ABHD12: variants seen among roughly 807,000 people sequenced by gnomAD.
ABHD12 encodes the protein lysophosphatidylserine lipase ABHD12.
A neutral mutation model predicts 58.3 loss-of-function variants in ABHD12; 43 were observed. The observed-to-expected ratio is 0.74, with a 90% CI of 0.58 to 0.95. ABHD12 has a LOEUF of 0.95. Ranked by LOEUF, ABHD12 falls within the 40% of genes least tolerant of loss-of-function variation. ABHD12 has a pLI of 0.00. For synonymous variants in ABHD12, 219 were observed against 211.2 expected (o/e 1.04, Z -0.32); for missense variants, 539 against 537.2 (o/e 1.00, Z -0.03).
chr20:25,295,666 A>G (rs2088530405), downstream of ABHD12: 2 of 1,612,946 alleles, frequency 1.2e-6, no homozygotes, highest in African/African-American at 2.7e-5. Flanking sequence ...GACCAGCTGT[A>G]CCGGGTGAGG....
At chr20:25,312,512 G>A (rs1477179404) in intron 6 of ABHD12, among the ~76,000 whole-genome samples, 2 of 152,170 alleles carry the variant, frequency 1.3e-5, no homozygotes, top group African/African-American at 4.8e-5. Flanking sequence ...GTGCAGTGGC[G>A]TGATCTCGGC....
intron 1 of ABHD12, chr20:25,339,666 C>A (rs748485898): frequency 2.2e-6 from 3 of 1,388,934 alleles, no homozygotes; most frequent in Non-Finnish European, 2.9e-6. Context: ...CACCATGCCC[C>A]CCACCTGACA....
rs2089421415 is a variant in ABHD12, at chr20:25,339,225, A to T, written c.316+2T>A. The T allele has an allele frequency of 3.1e-6, 5 of 1,614,170 alleles. No individual in the cohort carries two copies. The East Asian group carries it at 1.1e-4, about 36-fold the overall frequency. ...AAGGAAAAATGGACACATACCACTT[A>T]CCGAAATTCAAGAAAATCAGTTTGG... On this transcript the variant is annotated splice_donor_variant, in intron 2 of 12. Transcript: ENST00000339157. LOFTEE classifies it high-confidence loss of function.
intron 4 of ABHD12, 101 bp downstream of exon 4, chr20:25,320,098 G>C: frequency 1.3e-6 from 2 of 1,545,208 alleles, no homozygotes; most frequent in Non-Finnish European, 1.8e-6. Context: ...TTGTGGGACC[G>C]CAGGTTGCTC....
At chr20:25,317,155 C>A in intron 4 of ABHD12, 77 bp from the exon 5 acceptor site, 2 of 992,012 alleles carry the variant, frequency 2.0e-6, no homozygotes, top group South Asian at 1.3e-5. Context: ...CTCCATACCC[C>A]AAACCAGGGG....
intron 1 of ABHD12, among the ~76,000 whole-genome samples, chr20:25,350,959 TCACACACACA>T (rs61061019): frequency 0.029 from 4,065 of 142,250 alleles, 66 homozygotes; most frequent in Non-Finnish European, 0.033. Context: ...TACGAATCCT[TCACACACACA>T]CACACACACA....
chr20:25,317,064 C>T lies in ABHD12; in HGVS notation c.557G>A (p.Arg186His), dbSNP rs587777604. ...GNAGTRGGDH[R>H]VELYKVLSSL... ...TGCACTCACCTTGTAAAGCTCCACG[C>T]GGTGGTCGCCTCCTCTGGAGAAGAA... Residue 186 changes from arginine to histidine, a missense_variant, in exon 5 of 13, where the codon CGC (arginine) becomes CAC (histidine). Physicochemically the swap from Arg to His is conservative, Grantham distance 29. Transcript: ENST00000339157. 1.7e-5 allele frequency: 27 copies of T among 1,612,594 alleles called. No homozygotes were observed. The highest frequency in any genetic ancestry group is 2.0e-5 in the Non-Finnish European group (23 of 1,179,372).
intron 11 of ABHD12, among the ~76,000 whole-genome samples, 156 bp from the exon 12 acceptor site, chr20:25,302,502 G>A (rs537316496): frequency 4.6e-4 from 70 of 152,152 alleles, no homozygotes; most frequent in Non-Finnish European, 8.1e-4. Flanking sequence ...GGAGGCCCGG[G>A]GGTGGGCTGG....
intron 1 of ABHD12, among the ~76,000 whole-genome samples, chr20:25,371,503 G>A (rs73347066): frequency 0.015 from 2,271 of 152,058 alleles, 50 homozygotes; most frequent in African/African-American, 0.046. Flanking sequence ...AACCCTCCCC[G>A]CTTCCTGACA....
At chr20:25,358,309 A>C (rs530690681) in intron 1 of ABHD12, among the ~76,000 whole-genome samples, 1 of 152,330 alleles carries the variant, frequency 6.6e-6, no homozygotes, top group East Asian at 1.9e-4. Context: ...CGATGAGCCC[A>C]TTTAGCACAA....
chr20:25,308,413 C>G, intron 8 of ABHD12, 44 bp downstream of exon 8: 1 of 1,601,972 alleles, frequency 6.2e-7, no homozygotes, highest in South Asian at 1.1e-5. Flanking sequence ...TGGGGAGCAC[C>G]CTGAATGCTC....
At chr20:25,340,573 G>A (rs2089441953) in intron 1 of ABHD12, among the ~76,000 whole-genome samples, 2 of 152,200 alleles carry the variant, frequency 1.3e-5, no homozygotes, top group African/African-American at 4.8e-5. Context: ...AGTGCCAGGG[G>A]CACACCTGCA....
At chr20:25,314,900 G>C (rs2088931472) in intron 6 of ABHD12, 25 bp downstream of exon 6, 1 of 1,613,740 alleles carries the variant, frequency 6.2e-7, no homozygotes, top group African/African-American at 1.3e-5. Flanking sequence ...ATTGTGCTCA[G>C]ATGCTCTTGC....
downstream of ABHD12, chr20:25,295,471 C>A: frequency 1.0e-6 from 1 of 986,858 alleles, no homozygotes. Flanking sequence ...TGACCAGCTG[C>A]GTGGGTGGGC....
intron 12 of ABHD12, among the ~76,000 whole-genome samples, chr20:25,301,224 A>G (rs1363326381): frequency 1.3e-5 from 2 of 152,216 alleles, no homozygotes; most frequent in African/African-American, 2.4e-5. Flanking sequence ...CTCTGAGCCC[A>G]CTGCCCCCTT....
chr20:25,368,009 C>A (rs2089846891), intron 1 of ABHD12, among the ~76,000 whole-genome samples: 1 of 152,162 alleles, frequency 6.6e-6, no homozygotes, highest in South Asian at 2.1e-4. Context: ...ATTTTTATTC[C>A]CACTAACAGT....
chr20:25,351,267 G>T (rs2146063435), intron 1 of ABHD12, among the ~76,000 whole-genome samples: 1 of 152,140 alleles, frequency 6.6e-6, no homozygotes, highest in South Asian at 2.1e-4. Flanking sequence ...TTTCACCTTT[G>T]TCTCCAAGGC....
At chr20:25,303,844 C>T (rs1002476193) in intron 10 of ABHD12, among the ~76,000 whole-genome samples, 7 of 152,250 alleles carry the variant, frequency 4.6e-5, no homozygotes, top group African/African-American at 1.7e-4. Flanking sequence ...AGCTATATAA[C>T]TGGCCCTCGG....
intron 5 of ABHD12, among the ~76,000 whole-genome samples, chr20:25,316,520 T>C (rs1240539270): frequency 2.0e-5 from 3 of 152,242 alleles, no homozygotes; most frequent in Non-Finnish European, 4.4e-5. Flanking sequence ...GTGCTGCTTA[T>C]GTAGTCTGCC....
Sources: allele counts gnomAD v4.1 joint callset (sites outside exome capture counted in the v4.1 genomes callset), GRCh38; gene constraint gnomAD v4.1.1; transcripts MANE v1.5; gene names NCBI Gene and HGNC (gene_info 2026-07-23, HGNC 2026-07-21).